RAB12: variants seen among roughly 807,000 people sequenced by gnomAD.
RAB12 encodes RAB12, member RAS oncogene family, also known as ras-related protein Rab-12.
Under a neutral mutation model 28.4 loss-of-function variants are expected in RAB12, and 11 were observed. The ratio of observed to expected loss-of-function variants is 0.39; its 90% CI spans 0.24 to 0.64. RAB12 has a LOEUF of 0.64. Among genes scored for constraint, RAB12 ranks in the 30% least tolerant of loss-of-function variants. The pLI is 0.50. For synonymous variants in RAB12, 138 were observed against 145.3 expected (o/e 0.95, Z 0.36); for missense variants, 276 against 351.1 (o/e 0.79, Z 1.71).
chr18:8,634,690 G>T (rs1292237049), intron 3 of RAB12, among the ~76,000 whole-genome samples: 1 of 152,128 alleles, frequency 6.6e-6, no homozygotes, highest in Non-Finnish European at 1.5e-5. Flanking sequence ...TGAGTGCGGG[G>T]CCCATTGCCC....
In RAB12 at chr18:8,638,547, A is replaced by G; in HGVS notation, c.*285A>G. 3.7e-6 allele frequency: 1 copy of G among 269,830 alleles called. No homozygotes were observed. The highest frequency in any genetic ancestry group is 7.0e-6 in the Non-Finnish European group (1 of 142,700). The allele number at this position is 269,830 out of a possible 1,614,324, so 16.7% of individuals were successfully genotyped here. A position where few individuals can be genotyped will look rare whatever the true frequency, so the allele number is the denominator to read the frequency against. On this transcript the variant is annotated 3_prime_UTR_variant, in exon 6 of 6. Transcript: ENST00000649141. ...GAAGAATGGGAGAAATGAAAGGTAT[A>G]ATGTTTCTTGAAATAAATAATATAA...
chr18:8,639,020 TAAAGAGATGCATTTTACTATATC>T lies in RAB12; in HGVS notation c.*764_*786del. ...AAACAAATCCTGTTTAAAGGAATTT[TAAAGAGATGCATTTTACTATATC>T]AAAGAACATACGTGTATTTGCCTAA... On this transcript the variant is annotated 3_prime_UTR_variant, in exon 6 of 6. Coordinates refer to ENST00000649141, the MANE Select transcript of RAB12 (RefSeq NM_001025300.3). The T allele has an allele frequency of 6.6e-6, 1 of 152,200 alleles. No homozygotes were observed. Among genetic ancestry groups the T allele is most frequent in the African/African-American group, 2.4e-5 (1 of 41,436 alleles). The allele number at this position is 152,200 out of a possible 1,614,324, so 9.4% of individuals were successfully genotyped here. A position where few individuals can be genotyped will look rare whatever the true frequency, so the allele number is the denominator to read the frequency against.
intron 2 of RAB12, among the ~76,000 whole-genome samples, chr18:8,627,635 A>G (rs1183507587): frequency 2.0e-5 from 3 of 152,244 alleles, no homozygotes; most frequent in Non-Finnish European, 2.9e-5. Flanking sequence ...TTATATCCAA[A>G]TGGTGTCCTA....
intron 1 of RAB12, 131 bp downstream of exon 1, chr18:8,610,084 G>A: frequency 2.9e-6 from 2 of 679,790 alleles, no homozygotes; most frequent in Non-Finnish European, 2.5e-6. Context: ...ACTAGGGGCG[G>A]GGGTCTCCTT....
At chr18:8,630,589 G>A (rs755364594) in intron 2 of RAB12, among the ~76,000 whole-genome samples, 4 of 152,184 alleles carry the variant, frequency 2.6e-5, no homozygotes, top group Non-Finnish European at 4.4e-5. Context: ...TGCCCTGGCC[G>A]AAGGGGAGGT....
intron 1 of RAB12, among the ~76,000 whole-genome samples, chr18:8,620,139 CTTTTTT>C (rs71165795): frequency 2.0e-3 from 110 of 53,958 alleles, no homozygotes; most frequent in African/African-American, 5.8e-3. Context: ...TTTTCTTCTT[CTTTTTT>C]TTTTTTTTTT....
At chr18:8,635,457 G>C (rs1346204470) in intron 3 of RAB12, 76 bp from the exon 4 acceptor site, 1 of 1,061,266 alleles carries the variant, frequency 9.4e-7, no homozygotes, top group African/African-American at 1.6e-5. Context: ...GAAAAATACT[G>C]TATCGGTTTA....
At chr18:8,628,293 G>A (rs2096013986) in intron 2 of RAB12, among the ~76,000 whole-genome samples, 1 of 152,162 alleles carries the variant, frequency 6.6e-6, no homozygotes, top group South Asian at 2.1e-4. Flanking sequence ...AGAAATACTT[G>A]CTGAATGGAA....
chr18:8,610,670 A>AT (rs548485213), intron 1 of RAB12, among the ~76,000 whole-genome samples: 125 of 152,272 alleles, frequency 8.2e-4, no homozygotes, highest in African/African-American at 2.9e-3. Context: ...TGCAGGGGAA[A>AT]TTTTTTTAAT....
intron 1 of RAB12, 118 bp from the exon 2 acceptor site, chr18:8,624,820 G>A: frequency 1.5e-6 from 1 of 688,170 alleles, no homozygotes; most frequent in Non-Finnish European, 2.5e-6. Flanking sequence ...GTGATGTCAG[G>A]TTTCGTGGGG....
chr18:8,628,079 C>T (rs940994174), intron 2 of RAB12, among the ~76,000 whole-genome samples: 6 of 152,026 alleles, frequency 3.9e-5, no homozygotes, highest in South Asian at 4.1e-4. Flanking sequence ...ATTGAGCTGA[C>T]GTTCATAACT....
intron 1 of RAB12, among the ~76,000 whole-genome samples, chr18:8,619,315 G>A (rs1330732266): frequency 6.6e-6 from 1 of 152,240 alleles, no homozygotes; most frequent in African/African-American, 2.4e-5. Context: ...TTACTGGAAA[G>A]GAGTGTAAAG....
chr18:8,613,382 T>C (rs2096004933), intron 1 of RAB12, among the ~76,000 whole-genome samples: 1 of 152,228 alleles, frequency 6.6e-6, no homozygotes, highest in Admixed American at 6.5e-5. Context: ...GCAGTGCCTG[T>C]ATCACAAGCA....
intron 5 of RAB12, 58 bp downstream of exon 5, chr18:8,636,415 A>G: frequency 9.3e-7 from 1 of 1,076,398 alleles, no homozygotes; most frequent in Non-Finnish European, 1.3e-6. Context: ...TGTTTCCTTT[A>G]TTGCTTTTTT....
intron 1 of RAB12, among the ~76,000 whole-genome samples, chr18:8,612,303 T>C (rs1196663952): frequency 6.6e-6 from 1 of 152,246 alleles, no homozygotes; most frequent in Non-Finnish European, 1.5e-5. Flanking sequence ...AGTTTGTTCC[T>C]CTAGTTCCTT....
At chr18:8,633,160 G>A in intron 2 of RAB12, 29 bp from the exon 3 acceptor site, 1 of 1,613,448 alleles carries the variant, frequency 6.2e-7, no homozygotes, top group Non-Finnish European at 8.5e-7. Flanking sequence ...GGCATTATTT[G>A]GGAACTGACT....
chr18:8,614,505 TA>T (rs763826653), intron 1 of RAB12, among the ~76,000 whole-genome samples: 1,367 of 87,128 alleles, frequency 0.016, 19 homozygotes, highest in African/African-American at 0.047. Flanking sequence ...GTAAGAACAT[TA>T]AAAAAAAAAA....
At chr18:8,624,194 T>C (rs1391374541) in intron 1 of RAB12, among the ~76,000 whole-genome samples, 2 of 152,268 alleles carry the variant, frequency 1.3e-5, no homozygotes, top group East Asian at 1.9e-4. Flanking sequence ...CCCTTAGTTA[T>C]GAAAATTGTG....
intron 1 of RAB12, among the ~76,000 whole-genome samples, chr18:8,624,425 T>G (rs2096011575): frequency 6.6e-6 from 1 of 152,214 alleles, no homozygotes; most frequent in Admixed American, 6.5e-5. Flanking sequence ...ATCTTCTCAC[T>G]GTTGATCATA....
Sources: allele counts gnomAD v4.1 joint callset (sites outside exome capture counted in the v4.1 genomes callset), GRCh38; gene constraint gnomAD v4.1.1; transcripts MANE v1.5; gene names NCBI Gene and HGNC (gene_info 2026-07-23, HGNC 2026-07-21).